ACACB: variants seen among roughly 807,000 people sequenced by gnomAD.
The protein encoded by ACACB is acetyl-CoA carboxylase 2.
Under a neutral mutation model 278.8 loss-of-function variants are expected in ACACB, and 209 were observed. The ratio of observed to expected loss-of-function variants is 0.75; its 90% CI spans 0.67 to 0.84. The LOEUF (loss-of-function observed/expected upper bound fraction) is 0.84, where lower values mean the gene tolerates loss of function less well. Among genes scored for constraint, ACACB ranks in the 40% least tolerant of loss-of-function variants. The pLI is 0.00. For missense variants in ACACB, 2,850 were observed against 3,269.0 expected, an observed-to-expected ratio of 0.87 and a Z score of 3.13; for synonymous variants, 1,174 against 1,285.6, an observed-to-expected ratio of 0.91 and a Z score of 1.86.
At chr12:109,160,705 G>T (rs1299936075) in intron 2 of ACACB, among the ~76,000 whole-genome samples, 1 of 152,192 alleles carries the variant, frequency 6.6e-6, no homozygotes, top group Non-Finnish European at 1.5e-5. Context: ...AGCCAATGTT[G>T]GTTGGCTTCC....
chr12:109,261,713 A>C (rs1359078416), intron 48 of ACACB, among the ~76,000 whole-genome samples: 1 of 152,008 alleles, frequency 6.6e-6, no homozygotes, highest in Non-Finnish European at 1.5e-5. Context: ...TCTACTAAAA[A>C]TACAAAAATT....
chr12:109,157,687 C>G lies in ACACB; in HGVS notation c.654-9174C>G, dbSNP rs60398563. Among the ~76,000 whole-genome samples the G allele has an allele frequency of 3.0e-4, 46 of 152,240 alleles. 1 individual carries two copies. The East Asian group carries it at 8.1e-3, about 27-fold the overall frequency. On this transcript the variant is annotated intron_variant, in intron 2 of 52. Coordinates refer to ENST00000338432, the MANE Select transcript of ACACB (RefSeq NM_001093.4). ...AGACAGAGTTCGGTTATGAAAGAGC[C>G]CTCTGGAGTTGGGAGGCATTTGGGA...
intron 52 of ACACB, 133 bp downstream of exon 52, chr12:109,265,658 C>A (rs1164948614): frequency 2.7e-6 from 3 of 1,122,268 alleles, no homozygotes; most frequent in Non-Finnish European, 1.3e-6. Context: ...CCCGCCCCCT[C>A]CCCGCTCCCC....
chr12:109,188,170 TCTCCTTCC>T lies in ACACB; in HGVS notation c.2144+9_2144+16del. ...CCGGGAAGAGGCCATTTCGTCAGTA[TCTCCTTCC>T]TTCCTTCCTTCCTTCCTTCCTTCCT... On this transcript the variant is annotated intron_variant, in intron 13 of 52. Coordinates refer to ENST00000338432, the MANE Select transcript of ACACB (RefSeq NM_001093.4). 2 of 1,559,342 alleles carry T rather than the reference TCTCCTTCC, an allele frequency of 1.3e-6. No homozygotes were observed. The highest frequency in any genetic ancestry group is 1.7e-6 in the Non-Finnish European group (2 of 1,145,524).
Position 109,223,898 on chromosome 12 carries a change from C to A in ACACB, c.3876C>A (p.Ser1292=). 6.2e-7 allele frequency: 1 copy of A among 1,613,954 alleles called. No homozygotes were observed. The highest frequency in any genetic ancestry group is 1.1e-5 in the South Asian group (1 of 91,078). The part of the protein sequence containing the change: ...YHANKVVCMA[S]LEVYVRRGYI... ...CAAACAAAGTCGTGTGCATGGCGTC[C>A]TTGGAGGTAAGCAGGAGAGGCCCAG... Residue 1292 remains serine, a synonymous_variant, in exon 27 of 53, where the codon TCC becomes TCA. Transcript: ENST00000338432.
At chr12:109,223,553 T>C (rs1157870079) in intron 26 of ACACB, among the ~76,000 whole-genome samples, 1 of 151,952 alleles carries the variant, frequency 6.6e-6, no homozygotes, top group Non-Finnish European at 1.5e-5. Flanking sequence ...GCCCAGGAAT[T>C]TGAGGCCAGC....
Position 109,212,788 on chromosome 12 carries a change from T to A in ACACB, c.3250-48T>A, listed in dbSNP as rs1281648546. 3.3e-6 allele frequency: 5 copies of A among 1,499,764 alleles called. No individual in the cohort carries two copies. The African/African-American group carries it at 6.9e-5, about 21-fold the overall frequency. The allele number at this position is 1,499,764 out of a possible 1,614,324, so 92.9% of individuals were successfully genotyped here. On this transcript the variant is annotated intron_variant, in intron 21 of 52. Transcript: ENST00000338432. The stretch of plus-strand genomic sequence containing the variant: ...ACCCTTTCTTTAGGGGACTGCTGTG[T>A]GTCATCTGAATCATCAGCAGTCAGA...
chr12:109,111,818 G>A (rs1417034914), upstream of ACACB, among the ~76,000 whole-genome samples: 2 of 152,128 alleles, frequency 1.3e-5, no homozygotes, highest in African/African-American at 4.8e-5. Flanking sequence ...TTCTTAAAAG[G>A]GCAGGGAGGG....
intron 28 of ACACB, among the ~76,000 whole-genome samples, chr12:109,229,813 G>A (rs1256570041): frequency 2.6e-5 from 4 of 152,154 alleles, no homozygotes; most frequent in Admixed American, 1.3e-4. Flanking sequence ...GATGACAGGC[G>A]CCACCATGCC....
intron 1 of ACACB, among the ~76,000 whole-genome samples, chr12:109,133,868 T>A (rs1161416775): frequency 0.018 from 1,093 of 59,618 alleles, 1 homozygote; most frequent in Admixed American, 0.04. Context: ...TATATATTTT[T>A]TTTTTTTTTT....
At position 109,193,718 on chromosome 12, in the gene ACACB, T is replaced by C; in HGVS notation, c.2470T>C (p.Tyr824His). The change falls in exon 16 of 53, where the codon TAC becomes CAC. Residue 824 changes from tyrosine to histidine, a missense_variant. Physicochemically the swap from Tyr to His is moderately conservative, Grantham distance 83. This residue lies in a region of ACACB where 2,265 missense variants were observed against 2,561.3 expected (regional missense o/e 0.88). Transcript: ENST00000338432. The part of the protein sequence containing the change: ...DVELIYGGVK[Y>H]ILKVARQSLT... ...GGAATTAATTTACGGAGGTGTTAAG[T>C]ACATTCTCAAGGTAAATGCCCCCGT... The C allele has an allele frequency of 6.2e-7, 1 of 1,613,220 alleles. No individual in the cohort carries two copies. The highest frequency in any genetic ancestry group is 8.5e-7 in the Non-Finnish European group (1 of 1,179,164).
At chr12:109,235,486 A>C (rs557861100) in intron 32 of ACACB, 117 bp downstream of exon 32, 17 of 1,426,754 alleles carry the variant, frequency 1.2e-5, no homozygotes, top group Non-Finnish European at 1.6e-5. Flanking sequence ...AAGGAGAAGG[A>C]TTTCCAAATG....
At chr12:109,252,487 C>A in intron 42 of ACACB, 2 of 206,406 alleles carry the variant, frequency 9.7e-6, no homozygotes, top group Non-Finnish European at 1.9e-5. Flanking sequence ...AGTTCCCTCT[C>A]ATCTTCTGTC....
At chr12:109,227,191 C>G (rs1366758087) in intron 27 of ACACB, among the ~76,000 whole-genome samples, 180 bp from the exon 28 acceptor site, 1 of 152,074 alleles carries the variant, frequency 6.6e-6, no homozygotes, top group African/African-American at 2.4e-5. Context: ...GTTCGAGTGA[C>G]CTACCTGCCC....
At chr12:109,229,598 C>T (rs1230990596) in intron 28 of ACACB, among the ~76,000 whole-genome samples, 1 of 152,040 alleles carries the variant, frequency 6.6e-6, no homozygotes, top group Non-Finnish European at 1.5e-5. Flanking sequence ...GGCGCGATCT[C>T]AGCTCACTGC....
chr12:109,190,593 G>A (rs966874244), intron 13 of ACACB, among the ~76,000 whole-genome samples: 9 of 151,482 alleles, frequency 5.9e-5, no homozygotes, highest in Non-Finnish European at 1.2e-4. Context: ...ATAGGTCAAG[G>A]GAGAGACAGA....
intron 19 of ACACB, among the ~76,000 whole-genome samples, chr12:109,204,241 A>G (rs2136351180): frequency 6.8e-6 from 1 of 147,978 alleles, no homozygotes; most frequent in South Asian, 2.2e-4. Context: ...TTGACTGTAG[A>G]GTCACCCTGT....
intron 2 of ACACB, among the ~76,000 whole-genome samples, chr12:109,152,118 G>T (rs562848288): frequency 1.3e-5 from 2 of 152,322 alleles, no homozygotes; most frequent in African/African-American, 4.8e-5. Context: ...TATTAGCAGA[G>T]AAGTGAGAAT....
chr12:109,167,956 G>A lies in ACACB; in HGVS notation c.847G>A (p.Ala283Thr), dbSNP rs1187424946. 1 of 1,613,842 alleles carries A rather than the reference G, an allele frequency of 6.2e-7. No individual in the cohort carries two copies. Among genetic ancestry groups the A allele is most frequent in the African/African-American group, 1.3e-5 (1 of 74,872 alleles). The change falls in exon 4 of 53, where the codon GCC (alanine) becomes ACC (threonine). Residue 283 changes from alanine to threonine, a missense_variant. Coordinates refer to ENST00000338432, the MANE Select transcript of ACACB (RefSeq NM_001093.4). Reference protein sequence around the residue: ...VKCMRSIRRWAYEMFRNERAI... With the variant: ...VKCMRSIRRWTYEMFRNERAI... ...GTGCATGCGCTCCATCCGCAGGTGG[G>A]CCTATGAGATGTTCCGCAACGAGCG...
Sources: gnomAD v4.1 joint callset for allele counts (sites outside exome capture counted in the v4.1 genomes callset) on GRCh38, gnomAD v4.1.1 for gene constraint, gnomAD v4.1.1 regional missense constraint, MANE v1.5 for transcripts, NCBI Gene and HGNC (gene_info 2026-07-23, HGNC 2026-07-21) for gene names.